The following SNX17 variants were observed in gnomAD, a reference collection of about 807,000 sequenced individuals.
SNX17 encodes the protein sorting nexin-17.
SNX17 carries 35 observed loss-of-function variants against 64.3 expected under a neutral mutation model. The observed-to-expected ratio is 0.54, with a 90% CI of 0.42 to 0.72. The LOEUF is 0.72. Among genes scored for constraint, SNX17 ranks in the 30% least tolerant of loss-of-function variants. The probability of loss-of-function intolerance (pLI) is 0.00; values close to 1 mark genes in which losing one functional copy is unlikely to be tolerated. For synonymous variants in SNX17, 259 were observed against 230.2 expected (o/e 1.13, Z -1.13); for missense variants, 538 against 610.0 (o/e 0.88, Z 1.24).
chr2:27,376,460 T>A lies in SNX17; in HGVS notation c.1258-19T>A, dbSNP rs758094457. 6.2e-7 allele frequency: 1 copy of A among 1,614,168 alleles called. No individual in the cohort carries two copies. ...CCTCTCCTAGTGAGTTTCTGACACC[T>A]CTGCCTCTTCTTCCCCAGGAGTCAC... On this transcript the variant is annotated intron_variant, in intron 13 of 14. Transcript: ENST00000233575.
Position 27,375,142 on chromosome 2 carries a change from T to A in SNX17, c.763T>A (p.Ser255Thr), listed in dbSNP as rs776958458. Reference protein sequence around the residue: ...RQLKSLQEKVSKKEFLRLAQT... With the variant: ...RQLKSLQEKVTKKEFLRLAQT... ...ACTCAAATCTCTGCAAGAGAAAGTC[T>A]CCAAGAAGGAGGTGAGCCCTGCCTC... The change falls in exon 9 of 15, where the codon TCC (serine) becomes ACC (threonine). Residue 255 changes from serine to threonine, a missense_variant. By Grantham distance (58) the Ser-to-Thr change is moderately conservative. This residue lies in a region of SNX17 where 505 missense variants were observed against 550.4 expected (regional missense o/e 0.92). Transcript: ENST00000233575. The surrounding 1 kb of genome is among the most constrained non-coding windows in gnomAD (Gnocchi z 4.1). 1.2e-6 allele frequency: 2 copies of A among 1,614,074 alleles called. No individual in the cohort carries two copies. The highest frequency in any genetic ancestry group is 2.2e-5 in the South Asian group (2 of 91,072).
intron 7 of SNX17, 89 bp from the exon 8 acceptor site, chr2:27,374,600 G>C: frequency 1.5e-6 from 2 of 1,375,252 alleles, no homozygotes; most frequent in Non-Finnish European, 2.1e-6. Context: ...GATAGTTCCA[G>C]ATTGCTCCTG....
chr2:27,377,163 A>G lies in SNX17; in HGVS notation c.*444A>G. On this transcript the variant is annotated 3_prime_UTR_variant, in exon 15 of 15. Coordinates refer to ENST00000233575, the MANE Select transcript of SNX17 (RefSeq NM_014748.4). This position sits in a 1 kb window ranked among gnomAD's most constrained non-coding sequence, Gnocchi z 4.4. ...CCCTCTCACTGCCCCTGCTTCCCCC[A>G]TCACAGCATGGACTACTATGCTAAG... The G allele has an allele frequency of 2.4e-6, 1 of 424,640 alleles. No individual in the cohort carries two copies. The highest frequency in any genetic ancestry group is 3.6e-5 in the Admixed American group (1 of 27,960). The allele number at this position is 424,640 out of a possible 1,614,324, so 26.3% of individuals were successfully genotyped here.
At chr2:27,371,578 CT>C in intron 2 of SNX17, 1 of 796,444 alleles carries the variant, frequency 1.3e-6, no homozygotes, top group Non-Finnish European at 1.8e-6. Flanking sequence ...TCTGTCCAGT[CT>C]TACTGCTCTA....
intron 2 of SNX17, 91 bp from the exon 3 acceptor site, chr2:27,372,532 G>C: frequency 6.3e-7 from 1 of 1,586,288 alleles, no homozygotes; most frequent in Non-Finnish European, 8.6e-7. Flanking sequence ...GGGAAGGGAG[G>C]GGCACCCAAG....
At position 27,371,727 on chromosome 2, in the gene SNX17, C is replaced by A. The variant is rs1345128606; in HGVS notation, c.138+384C>A. ...GCTTATACAAACGATTCACCGATTT[C>A]CTTTTGTGTTCTTCGGCTCATTTCA... On this transcript the variant is annotated intron_variant, in intron 2 of 14. Transcript: ENST00000233575. The A allele has an allele frequency of 2.8e-5, 5 of 178,536 alleles. No homozygotes were observed. The South Asian group carries it at 3.6e-4, about 13-fold the overall frequency. The allele number at this position is 178,536 out of a possible 1,614,324, so 11.1% of individuals were successfully genotyped here.
chr2:27,370,865 C>T (rs1682411784), intron 1 of SNX17, 59 bp downstream of exon 1: 2 of 1,510,394 alleles, frequency 1.3e-6, no homozygotes, highest in Non-Finnish European at 1.8e-6. Flanking sequence ...GGGCCCGAGC[C>T]ATCTCGGAGC....
chr2:27,371,166 A>G (rs1682477257), intron 1 of SNX17, 103 bp from the exon 2 acceptor site: 2 of 1,001,724 alleles, frequency 2.0e-6, no homozygotes, highest in African/African-American at 1.6e-5. Flanking sequence ...TCGGGAGATT[A>G]GCGCGTTACT....
Position 27,375,717 on chromosome 2 carries a change from G to A in SNX17, c.978+8G>A, listed in dbSNP as rs751492490. ...TGGCGGGTCACCTCCTCTGTGAGTC[G>A]GGTTAGGAGGGGGAAGGGCCTGGGT... is the stretch of plus-strand genomic sequence containing the variant. On this transcript the variant is annotated splice_region_variant and intron_variant, in intron 10 of 14. Transcript: ENST00000233575. The surrounding 1 kb of genome is among the most constrained non-coding windows in gnomAD (Gnocchi z 4.1). 14 of 1,613,542 alleles carry A rather than the reference G, an allele frequency of 8.7e-6. No individual in the cohort carries two copies. The South Asian group carries it at 8.8e-5, about 10-fold the overall frequency.
chr2:27,374,792 G>T (rs1007067575), intron 8 of SNX17, 34 bp downstream of exon 8: 1 of 1,599,852 alleles, frequency 6.3e-7, no homozygotes, highest in African/African-American at 1.3e-5. Flanking sequence ...CCCTTCCCCT[G>T]AAGAAAATAA....
chr2:27,376,060 T>C, intron 11 of SNX17, 46 bp from the exon 12 acceptor site: 2 of 1,613,784 alleles, frequency 1.2e-6, no homozygotes, highest in Non-Finnish European at 1.7e-6. Flanking sequence ...GGTGCTGGGC[T>C]CAGAGTGACC....
Position 27,375,087 on chromosome 2 carries a change from G to T in SNX17, c.708G>T (p.Trp236Cys), listed in dbSNP as rs747689756. The T allele has an allele frequency of 1.2e-6, 2 of 1,614,112 alleles. No homozygotes were observed. The highest frequency in any genetic ancestry group is 3.3e-5 in the Admixed American group (2 of 60,008). ...AQTVSDIERG[W>C]ILVTKEQHRQ... ...CGGTATCAGATATTGAGCGTGGGTGGATCTTGGTCACCAAGGAACAGCACC... is the reference window on the plus strand; with the variant it reads ...CGGTATCAGATATTGAGCGTGGGTGTATCTTGGTCACCAAGGAACAGCACC... The change falls in exon 9 of 15, where the codon TGG becomes TGT. Residue 236 changes from tryptophan (W) to cysteine (C), a missense_variant. By Grantham distance (215) the Trp-to-Cys change is radical (BLOSUM62 -2). Coordinates refer to ENST00000233575, the MANE Select transcript of SNX17 (RefSeq NM_014748.4). The surrounding 1 kb of genome is among the most constrained non-coding windows in gnomAD (Gnocchi z 4.1).
chr2:27,373,871 A>G lies in SNX17; in HGVS notation c.332A>G (p.Gln111Arg). The G allele has an allele frequency of 6.2e-7, 1 of 1,613,134 alleles. No individual in the cohort carries two copies. The highest frequency in any genetic ancestry group is 8.5e-7 in the Non-Finnish European group (1 of 1,179,820). The change falls in exon 5 of 15, where the codon CAG becomes CGG. Residue 111 changes from glutamine to arginine, a missense_variant. Physicochemically the swap from Gln to Arg is conservative, Grantham distance 43. Around this residue, in one of 3 missense-constraint regions of SNX17, gnomAD observed 505 missense variants for 550.4 expected, o/e 0.92. Coordinates refer to ENST00000233575, the MANE Select transcript of SNX17 (RefSeq NM_014748.4). Reference protein sequence around the residue: ...FLRRAQQETQQVPTEEVSLEV... With the variant: ...FLRRAQQETQRVPTEEVSLEV... ...GTGTGCTCACAACAGGAGACACAGC[A>G]GGTCCCCACAGAGGAAGTGTCCTTG...
chr2:27,371,588 T>C (rs1249136172), intron 2 of SNX17: 14 of 682,562 alleles, frequency 2.1e-5, no homozygotes, highest in Non-Finnish European at 2.7e-5. Context: ...CTTACTGCTC[T>C]AGTAGCCTTT....
chr2:27,375,393 C>T lies in SNX17; in HGVS notation c.775-113C>T, dbSNP rs148510647. 3.7e-4 allele frequency: 417 copies of T among 1,114,916 alleles called. 2 individuals are homozygous for T. In the African/African-American group the frequency reaches 5.7e-3, roughly 15 times the overall value. The allele number at this position is 1,114,916 out of a possible 1,614,324, so 69.1% of individuals were successfully genotyped here. Reference sequence around the variant, plus strand: ...GACCTTGTGATCTGTCTGCCTCTGCCTCCTAAAGTGCTGGGATTATAGGCA... The same window carrying T: ...GACCTTGTGATCTGTCTGCCTCTGCTTCCTAAAGTGCTGGGATTATAGGCA... On this transcript the variant is annotated intron_variant, in intron 9 of 14. Coordinates refer to ENST00000233575, the MANE Select transcript of SNX17 (RefSeq NM_014748.4). This position sits in a 1 kb window ranked among gnomAD's most constrained non-coding sequence, Gnocchi z 4.1.
chr2:27,376,055 T>TG, intron 11 of SNX17, 51 bp from the exon 12 acceptor site: 3 of 1,613,942 alleles, frequency 1.9e-6, no homozygotes, highest in Non-Finnish European at 2.5e-6. Context: ...TTAGTGGTGC[T>TG]GGGCTCAGAG....
chr2:27,370,875 C>A, intron 1 of SNX17, 69 bp downstream of exon 1: 1 of 1,496,190 alleles, frequency 6.7e-7, no homozygotes, highest in South Asian at 1.3e-5. Flanking sequence ...CATCTCGGAG[C>A]GGCCTCTGAG....
At chr2:27,374,026 C>G in intron 5 of SNX17, 55 bp downstream of exon 5, 1 of 1,607,992 alleles carries the variant, frequency 6.2e-7, no homozygotes, top group African/African-American at 1.3e-5. Context: ...GGGTCCTGGG[C>G]TTGGAGAATG....
Position 27,374,732 on chromosome 2 carries a change from G to A in SNX17, c.655G>A (p.Val219Ile), listed in dbSNP as rs201646831. 1 of 1,614,116 alleles carries A rather than the reference G, an allele frequency of 6.2e-7. No individual in the cohort carries two copies. The highest frequency in any genetic ancestry group is 8.5e-7 in the Non-Finnish European group (1 of 1,180,038). ...TGATGACGATGTCATGGAGAACCGG[G>A]TTGGCCTGAACCTGCTTTATGCTCA... ...AYDDDVMENR[V>I]GLNLLYAQTV... is the part of the protein sequence containing the mutation. Residue 219 changes from valine to isoleucine, a missense_variant, in exon 8 of 15, where the codon GTT becomes ATT. Physicochemically the swap from Val to Ile is conservative, Grantham distance 29. Coordinates refer to ENST00000233575, the MANE Select transcript of SNX17 (RefSeq NM_014748.4).
Sources: gnomAD v4.1 joint callset for allele counts on GRCh38, gnomAD v4.1.1 for gene constraint, gnomAD v4.1.1 regional missense constraint, Gnocchi (gnomAD v3.1) non-coding constraint, MANE v1.5 for transcripts, NCBI Gene and HGNC (gene_info 2026-07-23, HGNC 2026-07-21) for gene names.